The following NHS variants were observed in gnomAD, a reference collection of about 807,000 sequenced individuals.
NHS encodes NHS actin remodeling regulator.
A neutral mutation model predicts 72.5 loss-of-function variants in NHS; 5 were observed. That is an observed-to-expected ratio of 0.07 (90% CI 0.04 to 0.14). NHS has a LOEUF of 0.14. Among genes scored for constraint, NHS ranks in the 10% least tolerant of loss-of-function variants. NHS has a pLI of 1.00. For missense variants in NHS, 1,072 were observed against 1,355.7 expected (o/e 0.79, Z 3.29); for synonymous variants, 464 against 547.7 (o/e 0.85, Z 2.13).
chrX:17,490,695 A>C, intron 1 of NHS, among the ~76,000 whole-genome samples: 1 of 112,005 alleles, frequency 8.9e-6, no homozygotes, highest in Middle Eastern at 4.6e-3. Context: ...GATAGCATTG[A>C]ATCTATAAAT....
intron 3 of NHS, among the ~76,000 whole-genome samples, chrX:17,712,968 A>G (rs1165816049): frequency 8.9e-6 from 1 of 111,790 alleles, no homozygotes; most frequent in East Asian, 2.8e-4. Context: ...GTGTTTACCC[A>G]TGATTGTTCA....
intron 3 of NHS, among the ~76,000 whole-genome samples, chrX:17,718,590 A>T (rs1173823941): frequency 1.1e-5 from 1 of 92,170 alleles, no homozygotes; most frequent in Non-Finnish European, 2.2e-5. Context: ...AAACGGAGGG[A>T]GGAAAGAAAG....
At chrX:17,611,455 C>T (rs1194396633) in intron 1 of NHS, among the ~76,000 whole-genome samples, 2 of 111,828 alleles carry the variant, frequency 1.8e-5, no homozygotes, top group African/African-American at 3.3e-5. Flanking sequence ...TAGCCCTCCC[C>T]CTACGGAAAC....
Position 17,626,885 on chromosome X carries a change from C to T in NHS, c.566-60857C>T, listed in dbSNP as rs192050971. ...CATCACTTCCAAGCCATTTTGAATA[C>T]AGGAAAATGAAAAGTTACTCCATTT... is the stretch of plus-strand genomic sequence containing the variant. On this transcript the variant is annotated intron_variant, in intron 1 of 8. Coordinates refer to ENST00000676302, the MANE Select transcript of NHS (RefSeq NM_001291867.2). Among the ~76,000 whole-genome samples the T allele has an allele frequency of 4.6e-4, 51 of 111,845 alleles. 1 individual carries two copies. In the South Asian group the frequency reaches 4.9e-3, roughly 11 times the overall value.
intron 1 of NHS, among the ~76,000 whole-genome samples, chrX:17,459,988 C>T (rs2064840604): frequency 8.9e-6 from 1 of 111,819 alleles, no homozygotes; most frequent in Non-Finnish European, 1.9e-5. Flanking sequence ...GCCAAGGAGA[C>T]ACATATGGCT....
At chrX:17,535,739 C>T (rs747332273) in intron 1 of NHS, among the ~76,000 whole-genome samples, 57 of 110,897 alleles carry the variant, frequency 5.1e-4, no homozygotes, top group Non-Finnish European at 8.7e-4. Context: ...CCACCACACT[C>T]GGCTATTTTT....
intron 1 of NHS, among the ~76,000 whole-genome samples, chrX:17,490,255 T>G (rs202064105): frequency 2.4e-4 from 27 of 111,005 alleles, no homozygotes; most frequent in East Asian, 8.6e-4. Flanking sequence ...TTTATGGTTT[T>G]AGGTCTTATG....
chrX:17,549,320 T>G (rs2065316069), intron 1 of NHS, among the ~76,000 whole-genome samples: 1 of 109,087 alleles, frequency 9.2e-6, no homozygotes, highest in African/African-American at 3.3e-5. Context: ...AAGGGCTGAG[T>G]TTTTCCTTTA....
chrX:17,474,886 A>G (rs1231164594), intron 1 of NHS, among the ~76,000 whole-genome samples: 4 of 111,391 alleles, frequency 3.6e-5, no homozygotes, highest in Non-Finnish European at 7.5e-5. Flanking sequence ...ATAAGCCCCC[A>G]GCCAGACCCA....
intron 3 of NHS, among the ~76,000 whole-genome samples, chrX:17,713,470 T>C (rs1353602333): frequency 8.9e-6 from 1 of 112,333 alleles, no homozygotes; most frequent in Middle Eastern, 4.2e-3. Flanking sequence ...GACAGCATGA[T>C]AGCAATAAAT....
intron 1 of NHS, among the ~76,000 whole-genome samples, chrX:17,420,304 G>T (rs371311792): frequency 1.3e-4 from 14 of 111,397 alleles, no homozygotes; most frequent in African/African-American, 4.2e-4. Flanking sequence ...TTCCCTATCT[G>T]CTCATCCGTC....
chrX:17,483,598 C>G (rs2064955934), intron 1 of NHS, among the ~76,000 whole-genome samples: 1 of 111,713 alleles, frequency 9.0e-6, no homozygotes, highest in Non-Finnish European at 1.9e-5. Flanking sequence ...GTACATTATT[C>G]CTAGCCTTAC....
chrX:17,611,092 C>T (rs1027395358), intron 1 of NHS, among the ~76,000 whole-genome samples: 1 of 112,440 alleles, frequency 8.9e-6, no homozygotes, highest in African/African-American at 3.2e-5. Flanking sequence ...AATCAGTCAA[C>T]CCCTTTGAAA....
chrX:17,550,251 A>G (rs1266490482), intron 1 of NHS, among the ~76,000 whole-genome samples: 1 of 112,007 alleles, frequency 8.9e-6, no homozygotes, highest in African/African-American at 3.3e-5. Context: ...TCCTTTTTGA[A>G]CATCTCAAAC....
chrX:17,437,944 G>A (rs1379097716), intron 1 of NHS, among the ~76,000 whole-genome samples: 3 of 111,932 alleles, frequency 2.7e-5, no homozygotes, highest in East Asian at 5.6e-4. Flanking sequence ...GCAAACGAGC[G>A]AGCTAGTGGT....
At chrX:17,478,505 T>C (rs1217520676) in intron 1 of NHS, among the ~76,000 whole-genome samples, 3 of 111,970 alleles carry the variant, frequency 2.7e-5, no homozygotes, top group Non-Finnish European at 5.6e-5. Flanking sequence ...CGTTCTATGC[T>C]CTTTTACTAG....
chrX:17,417,295 C>T (rs766458099), intron 1 of NHS, among the ~76,000 whole-genome samples: 1 of 111,499 alleles, frequency 9.0e-6, no homozygotes, highest in East Asian at 2.8e-4. Context: ...GAAAAAGCAG[C>T]CATAGACAAT....
chrX:17,471,073 T>C (rs959775240), intron 1 of NHS, among the ~76,000 whole-genome samples: 2 of 112,218 alleles, frequency 1.8e-5, no homozygotes, highest in African/African-American at 6.5e-5. Flanking sequence ...TGGGATAAGC[T>C]TGTAGGTGCT....
At chrX:17,615,183 AGT>A (rs2065735768) in intron 1 of NHS, among the ~76,000 whole-genome samples, 5 of 88,744 alleles carry the variant, frequency 5.6e-5, no homozygotes, top group Admixed American at 1.3e-4. Flanking sequence ...GTATATATAT[AGT>A]ATATATACAC....
Sources: gnomAD v4.1 joint callset for allele counts (sites outside exome capture counted in the v4.1 genomes callset) on GRCh38, gnomAD v4.1.1 for gene constraint, MANE v1.5 for transcripts, NCBI Gene and HGNC (gene_info 2026-07-23, HGNC 2026-07-21) for gene names.